The following MSH3 variants were observed in gnomAD, a reference collection of about 807,000 sequenced individuals.
MSH3 encodes the protein DNA mismatch repair protein Msh3.
In MSH3, 106 loss-of-function variants were observed where a neutral mutation model predicts 123.3. The observed-to-expected ratio is 0.86, with a 90% CI of 0.73 to 1.01. The LOEUF is 1.01. MSH3 is among the 50% of genes least tolerant of loss of function. MSH3 has a pLI of 0.00. For synonymous variants in MSH3, 515 were observed against 481.4 expected (o/e 1.07, Z -0.91); for missense variants, 1,459 against 1,347.6 (o/e 1.08, Z -1.29).
intron 21 of MSH3, among the ~76,000 whole-genome samples, chr5:80,854,696 A>G (rs957496949): frequency 1.8e-4 from 27 of 152,326 alleles, no homozygotes; most frequent in Non-Finnish European, 2.6e-4. Flanking sequence ...GCAAGTGATC[A>G]TTAGAATGCT....
chr5:80,673,081 C>T (rs1392999468), intron 6 of MSH3, among the ~76,000 whole-genome samples: 1 of 152,168 alleles, frequency 6.6e-6, no homozygotes, highest in African/African-American at 2.4e-5. Context: ...GTTCATCATA[C>T]TTCAAGAGCA....
chr5:80,667,831 A>G (rs1749605420), intron 3 of MSH3, among the ~76,000 whole-genome samples: 1 of 152,202 alleles, frequency 6.6e-6, no homozygotes. Flanking sequence ...TGAGCTCCCC[A>G]GAGGTCCACA....
intron 17 of MSH3, among the ~76,000 whole-genome samples, chr5:80,782,561 C>T (rs1744430025): frequency 6.6e-6 from 1 of 152,116 alleles, no homozygotes; most frequent in African/African-American, 2.4e-5. Flanking sequence ...GGTCCTAGAA[C>T]CAATCCCCTA....
At chr5:80,762,971 T>G (rs990676061) in intron 13 of MSH3, among the ~76,000 whole-genome samples, 2 of 151,730 alleles carry the variant, frequency 1.3e-5, no homozygotes, top group Non-Finnish European at 2.9e-5. Flanking sequence ...CTCAGCCTCC[T>G]GAGTAGCTGG....
At chr5:80,682,142 T>C (rs1185298486) in intron 8 of MSH3, among the ~76,000 whole-genome samples, 1 of 152,216 alleles carries the variant, frequency 6.6e-6, no homozygotes, top group Non-Finnish European at 1.5e-5. Context: ...TTTATATCTA[T>C]GGACAGAATG....
chr5:80,780,331 G>T (rs1322519066), intron 17 of MSH3, among the ~76,000 whole-genome samples: 1 of 152,194 alleles, frequency 6.6e-6, no homozygotes, highest in Non-Finnish European at 1.5e-5. Flanking sequence ...ACCACCACTG[G>T]TCTGAGTACT....
chr5:80,810,374 TACAA>T (rs201041423), intron 19 of MSH3, among the ~76,000 whole-genome samples: 37,389 of 119,226 alleles, frequency 0.31, 4,875 homozygotes, highest in East Asian at 0.37. Context: ...TATGAATACA[TACAA>T]ACAATATTAC....
intron 8 of MSH3, among the ~76,000 whole-genome samples, chr5:80,691,615 A>G (rs72765575): frequency 0.09 from 13,592 of 150,654 alleles, 657 homozygotes; most frequent in African/African-American, 0.1. Context: ...CAAAAGGGCA[A>G]TGAGGTTTTT....
rs201149584 is a variant in MSH3, at chr5:80,654,900, C to T, written c.173C>T (p.Ala58Val). 7.4e-4 allele frequency: 1,133 copies of T among 1,529,074 alleles called. 25 individuals are homozygous for T. The African/African-American group carries it at 0.014, about 19-fold the overall frequency. 94.7% of individuals were successfully genotyped at this position (1,529,074 alleles called of 1,614,324 possible). Residue 58 changes from alanine to valine, a missense_variant, in exon 1 of 24, where the codon GCA (alanine) becomes GTA (valine). Physicochemically the swap from Ala to Val is moderately conservative, Grantham distance 64. Coordinates refer to ENST00000265081, the MANE Select transcript of MSH3 (RefSeq NM_002439.5). ...GGCGCTGCAGCGGCTGCAGCGGCCG[C>T]AGCGGCCGCAGCGCCCCCAGCGCCC... is the stretch of plus-strand genomic sequence containing the variant. Reference protein sequence around the residue: ...DPGAAAAAAAAAAAAPPAPPA... With the variant: ...DPGAAAAAAAVAAAAPPAPPA...
intron 2 of MSH3, among the ~76,000 whole-genome samples, chr5:80,663,906 C>A (rs1318708834): frequency 6.6e-6 from 1 of 152,158 alleles, no homozygotes; most frequent in Non-Finnish European, 1.5e-5. Flanking sequence ...CAAAACACAA[C>A]TCTTGCCCTC....
At chr5:80,661,385 T>A (rs1226645309) in intron 2 of MSH3, among the ~76,000 whole-genome samples, 1 of 152,222 alleles carries the variant, frequency 6.6e-6, no homozygotes, top group Non-Finnish European at 1.5e-5. Context: ...ATTCTACTGC[T>A]CTGTTTTCAA....
chr5:80,806,453 A>G (rs982376439), intron 19 of MSH3, among the ~76,000 whole-genome samples: 42 of 152,352 alleles, frequency 2.8e-4, no homozygotes, highest in Middle Eastern at 3.4e-3. Context: ...ATCTTTCTAT[A>G]TGGATAATCA....
intron 11 of MSH3, 57 bp from the exon 12 acceptor site, chr5:80,744,449 A>C (rs1743677674): frequency 8.0e-7 from 1 of 1,254,776 alleles, no homozygotes; most frequent in African/African-American, 1.5e-5. Context: ...ATATGAAATA[A>C]CAATTTGGCA....
At chr5:80,690,038 C>A (rs569874550) in intron 8 of MSH3, among the ~76,000 whole-genome samples, 1 of 152,184 alleles carries the variant, frequency 6.6e-6, no homozygotes, top group East Asian at 1.9e-4. Context: ...AGGCACATAC[C>A]TGTAGTCCTG....
rs868479642 is a variant in MSH3, at chr5:80,690,514, C to T, written c.1340+11421C>T. Among the ~76,000 whole-genome samples, 4 of 151,988 alleles carry T rather than the reference C, an allele frequency of 2.6e-5. No homozygotes were observed. The South Asian group carries it at 6.2e-4, about 24-fold the overall frequency. On this transcript the variant is annotated intron_variant, in intron 8 of 23. Transcript: ENST00000265081. ...TAGAGACGTATTTTCGTAGGGGTTT[C>T]GCTGTGTAGGTCAAACTGGTCTCGA...
rs201772945 is a variant in MSH3, at chr5:80,813,721, T to C, written c.2793T>C (p.Ile931=). 6 of 1,614,036 alleles carry C rather than the reference T, an allele frequency of 3.7e-6. No individual in the cohort carries two copies. The highest frequency in any genetic ancestry group is 3.3e-5 in the Admixed American group (2 of 59,984). The change falls in exon 20 of 24, where the codon ATT becomes ATC. Residue 931 remains isoleucine (I), a synonymous_variant. Coordinates refer to ENST00000265081, the MANE Select transcript of MSH3 (RefSeq NM_002439.5). ...YVPAEEATIG[I]VDGIFTRMGA... is the part of the protein sequence containing the mutation. ...CTGCAGAAGAAGCGACAATTGGGATTGTGGATGGCATTTTCACAAGGTAAG... is the reference window on the plus strand; with the variant it reads ...CTGCAGAAGAAGCGACAATTGGGATCGTGGATGGCATTTTCACAAGGTAAG...
chr5:80,735,204 C>T (rs1312109152), intron 10 of MSH3, among the ~76,000 whole-genome samples: 4 of 151,610 alleles, frequency 2.6e-5, no homozygotes, highest in East Asian at 1.9e-4. Flanking sequence ...GCCAACATGG[C>T]GAAACCCCGT....
intron 8 of MSH3, among the ~76,000 whole-genome samples, chr5:80,691,109 T>A (rs1164991638): frequency 6.6e-6 from 1 of 152,036 alleles, no homozygotes; most frequent in Non-Finnish European, 1.5e-5. Context: ...TATTTTTGAA[T>A]AGCACAACTG....
At chr5:80,692,786 A>G (rs1297431592) in intron 8 of MSH3, among the ~76,000 whole-genome samples, 3 of 135,548 alleles carry the variant, frequency 2.2e-5, no homozygotes, top group African/African-American at 5.4e-5. Context: ...ATGTTTGATA[A>G]ATATACATAC....
Sources: gnomAD v4.1 joint callset for allele counts (sites outside exome capture counted in the v4.1 genomes callset) on GRCh38, gnomAD v4.1.1 for gene constraint, MANE v1.5 for transcripts, NCBI Gene and HGNC (gene_info 2026-07-23, HGNC 2026-07-21) for gene names.